NUDCD3: variants seen among roughly 807,000 people sequenced by gnomAD.
NUDCD3 encodes the protein nudC domain-containing protein 3.
Under a neutral mutation model 39.7 loss-of-function variants are expected in NUDCD3, and 13 were observed. The ratio of observed to expected loss-of-function variants is 0.33; its 90% CI spans 0.21 to 0.52. The LOEUF (loss-of-function observed/expected upper bound fraction) is 0.52, where lower values mean the gene tolerates loss of function less well. NUDCD3 is among the 20% of genes least tolerant of loss of function. The pLI is 0.96. For missense variants in NUDCD3, 453 were observed against 458.1 expected, an observed-to-expected ratio of 0.99 and a Z score of 0.10; for synonymous variants, 175 against 172.4, an observed-to-expected ratio of 1.02 and a Z score of -0.12.
chr7:44,436,333 G>A (rs373826845), intron 2 of NUDCD3, among the ~76,000 whole-genome samples: 3 of 152,318 alleles, frequency 2.0e-5, no homozygotes, highest in African/African-American at 7.2e-5. Context: ...CAACCATGTC[G>A]TGTTGCTAAG....
At chr7:44,429,960 G>T (rs1044146747) in intron 2 of NUDCD3, among the ~76,000 whole-genome samples, 2 of 152,152 alleles carry the variant, frequency 1.3e-5, no homozygotes, top group Non-Finnish European at 2.9e-5. Flanking sequence ...TGAAAAGTGG[G>T]TATTATTACT....
At chr7:44,419,422 A>G (rs945828507) in intron 3 of NUDCD3, among the ~76,000 whole-genome samples, 1 of 152,302 alleles carries the variant, frequency 6.6e-6, no homozygotes, top group Middle Eastern at 3.4e-3. Flanking sequence ...AGACTTAAAC[A>G]TTCTTGCCTG....
At chr7:44,490,037 G>A (rs1308893366) in intron 1 of NUDCD3, 1 of 178,422 alleles carries the variant, frequency 5.6e-6, no homozygotes, top group Non-Finnish European at 1.2e-5. Flanking sequence ...GCCAGCTCAA[G>A]TCTTTGGTAG....
intron 3 of NUDCD3, among the ~76,000 whole-genome samples, chr7:44,407,188 G>A (rs1194354022): frequency 1.3e-5 from 2 of 151,252 alleles, no homozygotes; most frequent in South Asian, 2.1e-4. Flanking sequence ...GTGGTGGGAC[G>A]AGCAGGTTTC....
At chr7:44,429,502 T>C (rs1426940384) in intron 2 of NUDCD3, among the ~76,000 whole-genome samples, 1 of 152,146 alleles carries the variant, frequency 6.6e-6, no homozygotes. Context: ...AGAGGGAACA[T>C]GGCCCTGCTG....
chr7:44,466,926 T>C (rs1800130003), intron 2 of NUDCD3, among the ~76,000 whole-genome samples: 1 of 152,202 alleles, frequency 6.6e-6, no homozygotes, highest in Non-Finnish European at 1.5e-5. Flanking sequence ...TTTCAGACTC[T>C]GCTATGAGGG....
chr7:44,439,247 C>T (rs1159059246), intron 2 of NUDCD3, among the ~76,000 whole-genome samples: 1 of 152,136 alleles, frequency 6.6e-6, no homozygotes, highest in Non-Finnish European at 1.5e-5. Context: ...TTGTCAGGGA[C>T]ACATCTACTC....
intron 2 of NUDCD3, among the ~76,000 whole-genome samples, chr7:44,472,977 A>G (rs528799604): frequency 1.3e-5 from 2 of 152,378 alleles, no homozygotes; most frequent in Admixed American, 1.3e-4. Context: ...GAATTCATTT[A>G]GCTGATATTC....
intron 2 of NUDCD3, among the ~76,000 whole-genome samples, chr7:44,448,693 G>A (rs1378397093): frequency 2.0e-5 from 3 of 151,944 alleles, no homozygotes; most frequent in African/African-American, 7.3e-5. Context: ...CCTACCTCCA[G>A]ACCCCTGCTC....
intron 3 of NUDCD3, 37 bp downstream of exon 3, chr7:44,427,534 G>T (rs150416962): frequency 1.9e-6 from 3 of 1,597,180 alleles, no homozygotes; most frequent in Non-Finnish European, 1.7e-6. Flanking sequence ...GACTGGCTTG[G>T]GTGAAGCCGC....
intron 3 of NUDCD3, among the ~76,000 whole-genome samples, chr7:44,423,626 C>A (rs1328891481): frequency 6.6e-6 from 1 of 152,096 alleles, no homozygotes; most frequent in Non-Finnish European, 1.5e-5. Flanking sequence ...CAAACCACTG[C>A]TCAAGGAAAT....
rs553779386 is a variant in NUDCD3 at position 44,465,004 on chromosome 7, C to T, written c.509+19964G>A. On this transcript the variant is annotated intron_variant, in intron 2 of 5. Coordinates refer to ENST00000355451, the MANE Select transcript of NUDCD3 (RefSeq NM_015332.4). ...GGAAGTGGCAGGGGAGCAGAAGGGC[C>T]CAAACGAAGGTGTAAACAGAAGCTG... Among the ~76,000 whole-genome samples the T allele has an allele frequency of 2.0e-4, 31 of 152,170 alleles. No homozygotes were observed. The South Asian group carries it at 6.4e-3, about 32-fold the overall frequency.
chr7:44,391,232 G>A (rs1419861067), intron 5 of NUDCD3, among the ~76,000 whole-genome samples: 3 of 152,212 alleles, frequency 2.0e-5, no homozygotes, highest in Admixed American at 6.5e-5. Flanking sequence ...TTAACTGTGT[G>A]TACTAAGTGC....
chr7:44,480,979 G>GAA lies in NUDCD3; in HGVS notation c.509+3987_509+3988dup, dbSNP rs781601614. 2.7e-4 allele frequency among the ~76,000 whole-genome samples: 24 copies of GAA among 88,784 alleles called. 1 individual carries two copies. Among genetic ancestry groups the GAA allele is most frequent in the South Asian group, 4.0e-4 (1 of 2,526 alleles). The allele number at this position is 88,784 out of a possible 152,430, so 58.2% of individuals were successfully genotyped here. ...AAAAAAAAAAAAAATCCAAAAATTT[G>GAA]AAAAAAAAAAAAAATGGATTGTTTT... On this transcript the variant is annotated intron_variant, in intron 2 of 5. Coordinates refer to ENST00000355451, the MANE Select transcript of NUDCD3 (RefSeq NM_015332.4).
chr7:44,389,973 TA>T, intron 5 of NUDCD3, among the ~76,000 whole-genome samples: 1 of 152,286 alleles, frequency 6.6e-6, no homozygotes, highest in South Asian at 2.1e-4. Flanking sequence ...TTTTTGAATA[TA>T]AAGTTCTGTA....
chr7:44,383,129 G>A lies in NUDCD3; in HGVS notation c.*2882C>T, dbSNP rs1798336806. ...AAAGATCTGACTGAGGAAGAAGCAG[G>A]TGGCCAGCCACCTGGGAGACTTCTG... On this transcript the variant is annotated 3_prime_UTR_variant, in exon 6 of 6. Transcript: ENST00000355451. The A allele has an allele frequency of 6.6e-6, 1 of 152,320 alleles. No individual in the cohort carries two copies. Among genetic ancestry groups the A allele is most frequent in the South Asian group, 2.1e-4 (1 of 4,832 alleles). 9.4% of individuals were successfully genotyped at this position (152,320 alleles called of 1,614,324 possible).
chr7:44,455,502 T>C (rs1187702898), intron 2 of NUDCD3, among the ~76,000 whole-genome samples: 1 of 151,936 alleles, frequency 6.6e-6, no homozygotes, highest in Non-Finnish European at 1.5e-5. Context: ...ACACAAAACC[T>C]TTCCCTCTTT....
At chr7:44,412,869 G>C (rs546007735) in intron 3 of NUDCD3, among the ~76,000 whole-genome samples, 2 of 148,500 alleles carry the variant, frequency 1.3e-5, no homozygotes, top group East Asian at 2.0e-4. Flanking sequence ...GGAGCTTGCA[G>C]TGAGCTGAGA....
intron 2 of NUDCD3, among the ~76,000 whole-genome samples, chr7:44,452,655 G>C (rs1799816243): frequency 6.6e-6 from 1 of 152,170 alleles, no homozygotes; most frequent in South Asian, 2.1e-4. Context: ...GGAAAAAATG[G>C]TCATAAGATC....
Sources: gnomAD v4.1 joint callset for allele counts (sites outside exome capture counted in the v4.1 genomes callset) on GRCh38, gnomAD v4.1.1 for gene constraint, MANE v1.5 for transcripts, NCBI Gene and HGNC (gene_info 2026-07-23, HGNC 2026-07-21) for gene names.